ERBB4: variants seen among roughly 807,000 people sequenced by gnomAD.
ERBB4 encodes the protein receptor tyrosine-protein kinase erbB-4.
A neutral mutation model predicts 158.0 loss-of-function variants in ERBB4; 42 were observed. That is an observed-to-expected ratio of 0.27 (90% CI 0.21 to 0.34). ERBB4 has a LOEUF of 0.34. Among genes scored for constraint, ERBB4 ranks in the 10% least tolerant of loss-of-function variants. The pLI is 1.00. For synonymous variants in ERBB4, 583 were observed against 558.7 expected (o/e 1.04, Z -0.61); for missense variants, 1,333 against 1,624.1 (o/e 0.82, Z 3.08).
chr2:211,464,049 CAT>C (rs533640855), intron 20 of ERBB4, among the ~76,000 whole-genome samples: 204 of 152,254 alleles, frequency 1.3e-3, no homozygotes, highest in African/African-American at 4.8e-3. Flanking sequence ...TCTTATCTCA[CAT>C]GTCACTTTCT....
intron 1 of ERBB4, among the ~76,000 whole-genome samples, chr2:212,292,053 C>T (rs542278833): frequency 6.6e-6 from 1 of 151,838 alleles, no homozygotes; most frequent in African/African-American, 2.4e-5. Context: ...TCTGGAAAAA[C>T]ATTTCTGAAA....
chr2:211,769,305 G>C (rs1229994424), intron 4 of ERBB4, among the ~76,000 whole-genome samples: 2 of 152,218 alleles, frequency 1.3e-5, no homozygotes, highest in East Asian at 3.9e-4. Flanking sequence ...AAGTCTCTGG[G>C]AAGTTGCAAA....
intron 3 of ERBB4, among the ~76,000 whole-genome samples, chr2:211,943,937 T>C (rs1346595805): frequency 6.6e-6 from 1 of 151,472 alleles, no homozygotes; most frequent in East Asian, 1.9e-4. Context: ...ATAATGACAG[T>C]CTTCATGTTA....
intron 1 of ERBB4, among the ~76,000 whole-genome samples, chr2:212,507,678 A>G (rs767127954): frequency 2.6e-5 from 4 of 152,194 alleles, no homozygotes; most frequent in Non-Finnish European, 4.4e-5. Flanking sequence ...TATGTGACTG[A>G]ATTGCTGCAA....
chr2:212,045,907 A>T lies in ERBB4; in HGVS notation c.234+78845T>A, dbSNP rs2125383888. On this transcript the variant is annotated intron_variant, in intron 2 of 27. Transcript: ENST00000342788. ...GGCAGAGATGAACATTTGTAGCTAT[A>T]TCTCTAAGCACAAGGACAGAGATGT... Among the ~76,000 whole-genome samples, 2 of 152,324 alleles carry T rather than the reference A, an allele frequency of 1.3e-5. 1 individual carries two copies. Among genetic ancestry groups the T allele is most frequent in the South Asian group, 4.1e-4 (2 of 4,822 alleles).
chr2:211,405,555 T>C (rs1169512088), intron 25 of ERBB4, among the ~76,000 whole-genome samples: 1 of 152,172 alleles, frequency 6.6e-6, no homozygotes. Flanking sequence ...GGATGCCCAT[T>C]ATTCTAGAAA....
intron 17 of ERBB4, among the ~76,000 whole-genome samples, chr2:211,628,338 GC>G (rs1380486932): frequency 1.3e-5 from 2 of 152,184 alleles, no homozygotes; most frequent in Admixed American, 6.5e-5. Context: ...CCCACAACAG[GC>G]CCCGGTGTGT....
chr2:212,246,128 C>T (rs1286256314), intron 1 of ERBB4, among the ~76,000 whole-genome samples: 3 of 152,096 alleles, frequency 2.0e-5, no homozygotes, highest in Non-Finnish European at 4.4e-5. Flanking sequence ...CTCTCTGGGT[C>T]CTTCTCTTAA....
intron 2 of ERBB4, among the ~76,000 whole-genome samples, chr2:211,986,142 C>T (rs1461962055): frequency 1.3e-5 from 2 of 152,138 alleles, no homozygotes; most frequent in Non-Finnish European, 2.9e-5. Context: ...GGACTGCCAG[C>T]AATCACAGAA....
intron 3 of ERBB4, among the ~76,000 whole-genome samples, chr2:211,861,025 TA>T (rs1172409216): frequency 0.47 from 13,624 of 28,922 alleles, 3,286 homozygotes; most frequent in African/African-American, 0.6. Flanking sequence ...TTTATATATA[TA>T]TAAATATAAT....
At chr2:211,710,769 A>C (rs1043309517) in intron 9 of ERBB4, among the ~76,000 whole-genome samples, 1 of 152,072 alleles carries the variant, frequency 6.6e-6, no homozygotes, top group Non-Finnish European at 1.5e-5. Context: ...GTTTCCCTAC[A>C]CAAACTGTCT....
intron 9 of ERBB4, among the ~76,000 whole-genome samples, chr2:211,706,601 C>CAAAAAAAAAAAAAAAAA (rs201615846): frequency 1.1e-5 from 1 of 94,472 alleles, no homozygotes; most frequent in Non-Finnish European, 2.3e-5. Context: ...CTTAAAAAAA[C>CAAAAAAAAAAAAAAAAA]AAAAAAAAAA....
At chr2:212,056,057 A>C (rs773480836) in intron 2 of ERBB4, among the ~76,000 whole-genome samples, 18 of 152,232 alleles carry the variant, frequency 1.2e-4, no homozygotes, top group Non-Finnish European at 2.4e-4. Flanking sequence ...GGGTAACTAG[A>C]ATAACCAATG....
chr2:212,486,606 TC>T (rs1689995700), intron 1 of ERBB4, among the ~76,000 whole-genome samples: 1 of 152,066 alleles, frequency 6.6e-6, no homozygotes, highest in African/African-American at 2.4e-5. Flanking sequence ...AAGTAGGAGT[TC>T]TAAGACACAG....
At chr2:211,529,850 T>C (rs1002380429) in intron 20 of ERBB4, among the ~76,000 whole-genome samples, 1 of 151,970 alleles carries the variant, frequency 6.6e-6, no homozygotes, top group Non-Finnish European at 1.5e-5. Flanking sequence ...ACATCAACAT[T>C]ATAAAAGGCA....
chr2:211,455,495 A>G (rs111686959), intron 20 of ERBB4, among the ~76,000 whole-genome samples: 1 of 152,184 alleles, frequency 6.6e-6, no homozygotes, highest in Non-Finnish European at 1.5e-5. Context: ...TTCCTTCACC[A>G]TTAGAACAAG....
chr2:212,068,225 C>T (rs2078001446), intron 2 of ERBB4, among the ~76,000 whole-genome samples: 1 of 151,996 alleles, frequency 6.6e-6, no homozygotes, highest in Non-Finnish European at 1.5e-5. Flanking sequence ...ACCACAAAAA[C>T]TCAAAGACAC....
At chr2:212,407,883 C>T (rs1266222037) in intron 1 of ERBB4, among the ~76,000 whole-genome samples, 1 of 151,884 alleles carries the variant, frequency 6.6e-6, no homozygotes, top group Non-Finnish European at 1.5e-5. Context: ...TGAGAATATG[C>T]ACTTATTATG....
rs188383253 is a variant in ERBB4, at chr2:211,603,347, G to C, written c.2301+15830C>G. Among the ~76,000 whole-genome samples the C allele has an allele frequency of 2.1e-3, 325 of 152,200 alleles. 1 individual carries two copies. Among genetic ancestry groups the C allele is most frequent in the Non-Finnish European group, 3.3e-3 (226 of 68,020 alleles). ...TGACATTGGGCAAAAGAGAATTCGA[G>C]TCATACACTTCGGAAGAATTAGATG... On this transcript the variant is annotated intron_variant, in intron 19 of 27. Transcript: ENST00000342788.
Sources: gnomAD v4.1 joint callset for allele counts (sites outside exome capture counted in the v4.1 genomes callset) on GRCh38, gnomAD v4.1.1 for gene constraint, MANE v1.5 for transcripts, NCBI Gene and HGNC (gene_info 2026-07-23, HGNC 2026-07-21) for gene names.